PRKX: variants seen among roughly 807,000 people sequenced by gnomAD.
PRKX encodes protein kinase cAMP-dependent X-linked catalytic subunit, also known as cAMP-dependent protein kinase catalytic subunit PRKX.
Under a neutral mutation model 22.0 loss-of-function variants are expected in PRKX, and 12 were observed. The ratio of observed to expected loss-of-function variants is 0.54; its 90% CI spans 0.35 to 0.88. The LOEUF (loss-of-function observed/expected upper bound fraction) is 0.88. PRKX is among the 40% of genes least tolerant of loss of function. The pLI, the probability that PRKX is intolerant of heterozygous loss-of-function variation, is 0.01. For missense variants in PRKX, 217 were observed against 308.0 expected, an observed-to-expected ratio of 0.70 and a Z score of 2.21; for synonymous variants, 134 against 137.7, an observed-to-expected ratio of 0.97 and a Z score of 0.19.
chrX:3,633,601 T>G (rs1926830608), intron 4 of PRKX, among the ~76,000 whole-genome samples: 1 of 111,228 alleles, frequency 9.0e-6, no homozygotes, highest in Non-Finnish European at 1.9e-5. Flanking sequence ...TTACACCAAT[T>G]GTGCCACTAG....
At chrX:3,652,894 A>C (rs1927366438) in intron 3 of PRKX, among the ~76,000 whole-genome samples, 1 of 110,667 alleles carries the variant, frequency 9.0e-6, no homozygotes, top group African/African-American at 3.3e-5. Context: ...CACAGGGAGG[A>C]GACAGCGTCT....
intron 4 of PRKX, 122 bp from the exon 5 acceptor site, chrX:3,626,636 C>T: frequency 3.5e-6 from 2 of 565,087 alleles, no homozygotes. Context: ...CATGCTCTTC[C>T]CCGCACACTG....
chrX:3,627,866 A>G (rs935048732), intron 4 of PRKX, among the ~76,000 whole-genome samples: 6 of 111,231 alleles, frequency 5.4e-5, no homozygotes, highest in African/African-American at 2.0e-4. Flanking sequence ...TAGAACTCCC[A>G]TATGACCCAG....
intron 2 of PRKX, among the ~76,000 whole-genome samples, chrX:3,661,623 T>C (rs1927597983): frequency 9.2e-6 from 1 of 108,643 alleles, no homozygotes; most frequent in Admixed American, 9.9e-5. Context: ...TTTGCTTACG[T>C]GGACAGAATT....
chrX:3,687,892 G>A (rs1021929029), intron 1 of PRKX, among the ~76,000 whole-genome samples: 24 of 112,068 alleles, frequency 2.1e-4, no homozygotes, highest in Non-Finnish European at 3.8e-5. Context: ...CACTCCAAGA[G>A]AGGTGGCTAC....
chrX:3,705,999 CT>C (rs1229020508), intron 1 of PRKX, among the ~76,000 whole-genome samples: 4 of 60,218 alleles, frequency 6.6e-5, no homozygotes, highest in East Asian at 5.4e-4. Flanking sequence ...GCCGGTTTTT[CT>C]TTAAAAAAAA....
chrX:3,676,299 C>T (rs1927953578), intron 1 of PRKX, among the ~76,000 whole-genome samples: 1 of 111,764 alleles, frequency 8.9e-6, no homozygotes, highest in Admixed American at 9.6e-5. Flanking sequence ...TCTGAGGAAC[C>T]AACATCTGTT....
chrX:3,663,455 CACACACACACACAA>C (rs1170689901), intron 2 of PRKX, among the ~76,000 whole-genome samples: 2 of 79,493 alleles, frequency 2.5e-5, no homozygotes, highest in Admixed American at 1.8e-4. Context: ...CACACACACA[CACACACACACACAA>C]AAAAATTCAA....
chrX:3,689,750 G>T (rs1294417738), intron 1 of PRKX, among the ~76,000 whole-genome samples: 1 of 111,852 alleles, frequency 8.9e-6, no homozygotes, highest in African/African-American at 3.2e-5. Flanking sequence ...GGCCAAGGCG[G>T]GCGGATCACA....
At chrX:3,693,445 G>C (rs1336936591) in intron 1 of PRKX, among the ~76,000 whole-genome samples, 1 of 111,332 alleles carries the variant, frequency 9.0e-6, no homozygotes, top group Non-Finnish European at 1.9e-5. Context: ...TACGCAGTGA[G>C]TGCTGCCGAC....
At chrX:3,623,151 CGTGTGTGT>C (rs60593114) in intron 5 of PRKX, among the ~76,000 whole-genome samples, 10 of 96,071 alleles carry the variant, frequency 1.0e-4, no homozygotes, top group Non-Finnish European at 1.0e-4. Context: ...TAAATTTCAA[CGTGTGTGT>C]GTGTGTGTGT....
chrX:3,677,321 T>TC (rs1414577652), intron 1 of PRKX, among the ~76,000 whole-genome samples: 1 of 52,163 alleles, frequency 1.9e-5, no homozygotes. Context: ...CATTATATTG[T>TC]TTTGTCTTTT....
chrX:3,671,450 A>G (rs1371909778), intron 2 of PRKX, among the ~76,000 whole-genome samples: 1 of 111,566 alleles, frequency 9.0e-6, no homozygotes, highest in Non-Finnish European at 1.9e-5. Flanking sequence ...AACACTGAAT[A>G]AAATCCTCCC....
intron 2 of PRKX, among the ~76,000 whole-genome samples, chrX:3,658,407 C>A (rs1927525513): frequency 9.0e-6 from 1 of 111,400 alleles, no homozygotes; most frequent in Non-Finnish European, 1.9e-5. Flanking sequence ...CTCAGCCTCC[C>A]AAGTAGCTAG....
chrX:3,690,454 C>T (rs765789261), intron 1 of PRKX, among the ~76,000 whole-genome samples: 2 of 112,610 alleles, frequency 1.8e-5, no homozygotes, highest in African/African-American at 6.4e-5. Flanking sequence ...AAAATGTGGC[C>T]GTGAGTAGTG....
intron 4 of PRKX, among the ~76,000 whole-genome samples, chrX:3,638,752 CATAGAT>C: frequency 9.1e-6 from 1 of 109,836 alleles, no homozygotes; most frequent in Non-Finnish European, 1.9e-5. Context: ...TTGATAAATA[CATAGAT>C]ATATAGAAAA....
chrX:3,702,050 T>C (rs1928587918), intron 1 of PRKX, among the ~76,000 whole-genome samples: 3 of 112,242 alleles, frequency 2.7e-5, no homozygotes, highest in African/African-American at 6.5e-5. Flanking sequence ...CTTTACTCTA[T>C]GGATTTGCCT....
In PRKX at chrX:3,615,011, A is replaced by ATTTTTTTTTTT. The variant is rs761643511; in HGVS notation, c.951+793_951+803dup. Among the ~76,000 whole-genome samples the ATTTTTTTTTTT allele has an allele frequency of 2.2e-4, 13 of 59,754 alleles. 2 individuals carry two copies. Among genetic ancestry groups the ATTTTTTTTTTT allele is most frequent in the African/African-American group, 9.1e-4 (12 of 13,211 alleles). 51.9% of individuals were successfully genotyped at this position (59,754 alleles called of 115,157 possible). A position where few individuals can be genotyped will look rare whatever the true frequency, so the allele number is the denominator to read the frequency against. On this transcript the variant is annotated intron_variant, in intron 7 of 8. Transcript: ENST00000262848. ...TATTATACATTGAAAAAAATGCCAG[A>ATTTTTTTTTTT]TTTTTTTTTTTTTTTTTTTTTTTTT...
At chrX:3,689,935 C>T (rs1421177375) in intron 1 of PRKX, among the ~76,000 whole-genome samples, 5 of 111,057 alleles carry the variant, frequency 4.5e-5, no homozygotes, top group Non-Finnish European at 9.4e-5. Context: ...CGAGATGGCA[C>T]CACTGCACTC....
Sources: gnomAD v4.1 joint callset for allele counts (sites outside exome capture counted in the v4.1 genomes callset) on GRCh38, gnomAD v4.1.1 for gene constraint, MANE v1.5 for transcripts, NCBI Gene and HGNC (gene_info 2026-07-23, HGNC 2026-07-21) for gene names.